The following ERLIN1 variants were observed in gnomAD, a reference collection of about 807,000 sequenced individuals.
The protein encoded by ERLIN1 is ER lipid raft associated 1, also known as erlin-1.
In ERLIN1, 24 loss-of-function variants were observed where a neutral mutation model predicts 46.9. The observed-to-expected ratio is 0.51, with a 90% CI of 0.37 to 0.72. The LOEUF (loss-of-function observed/expected upper bound fraction) is 0.72, where lower values mean the gene tolerates loss of function less well. ERLIN1 is among the 30% of genes least tolerant of loss of function. ERLIN1 has a pLI of 0.00. For missense variants in ERLIN1, 293 were observed against 417.9 expected (o/e 0.70, Z 2.61); for synonymous variants, 158 against 143.2 (o/e 1.10, Z -0.74).
intron 4 of ERLIN1, among the ~76,000 whole-genome samples, chr10:100,176,754 C>T (rs1314273744): frequency 6.6e-6 from 1 of 152,106 alleles, no homozygotes; most frequent in East Asian, 1.9e-4. Context: ...CAAAAACATG[C>T]TGCTTTCTAC....
At position 100,178,123 on chromosome 10, in the gene ERLIN1, G is replaced by C; in HGVS notation, c.304+10C>G. ...TAACTATAAAAACCACAGGTAGATG[G>C]GTAACATACCTGCATAAGGAGCCAA... On this transcript the variant is annotated intron_variant, in intron 4 of 10. Transcript: ENST00000421367. The C allele has an allele frequency of 6.5e-7, 1 of 1,544,828 alleles. No homozygotes were observed. The highest frequency in any genetic ancestry group is 8.8e-7 in the Non-Finnish European group (1 of 1,131,376).
intron 8 of ERLIN1, among the ~76,000 whole-genome samples, chr10:100,163,330 C>T (rs1304499983): frequency 1.3e-5 from 2 of 148,618 alleles, no homozygotes; most frequent in Admixed American, 1.3e-4. Context: ...AAGAGTAGGA[C>T]CAGTGAACAT....
In ERLIN1 at chr10:100,169,337, ACTGACCC is replaced by A. The variant is rs1843853001; in HGVS notation, c.505-1938_505-1932del. ...TAATGAAAGGAATATATGTATTGAA[ACTGACCC>A]CTGGGTTTTAAGCATATATTATATA... On this transcript the variant is annotated intron_variant, in intron 6 of 10. Transcript: ENST00000421367. Among the ~76,000 whole-genome samples the A allele has an allele frequency of 2.6e-5, 4 of 152,194 alleles. No individual in the cohort carries two copies. In the South Asian group the frequency reaches 8.3e-4, roughly 32 times the overall value.
At chr10:100,156,107 C>T (rs753375912) in intron 9 of ERLIN1, 38 bp downstream of exon 9, 3 of 1,354,248 alleles carry the variant, frequency 2.2e-6, no homozygotes, top group South Asian at 1.2e-5. Context: ...GGAGGCAGTT[C>T]GGGACAGGCA....
intron 8 of ERLIN1, among the ~76,000 whole-genome samples, chr10:100,156,439 T>C (rs1843467875): frequency 6.6e-6 from 1 of 152,148 alleles, no homozygotes; most frequent in Admixed American, 6.5e-5. Context: ...ATTTTGACAG[T>C]GCTAGTTTTG....
chr10:100,164,402 T>G (rs1319095821), intron 7 of ERLIN1, among the ~76,000 whole-genome samples: 1 of 152,230 alleles, frequency 6.6e-6, no homozygotes, highest in East Asian at 1.9e-4. Context: ...TATCAATACT[T>G]CCTTTGCTGT....
chr10:100,176,237 T>C (rs1844294899), intron 4 of ERLIN1, among the ~76,000 whole-genome samples, 167 bp from the exon 5 acceptor site: 1 of 152,218 alleles, frequency 6.6e-6, no homozygotes, highest in Non-Finnish European at 1.5e-5. Context: ...TTGCTTGTGC[T>C]CAATTTTCCA....
At chr10:100,174,393 T>C in intron 5 of ERLIN1, 112 bp from the exon 6 acceptor site, 1 of 757,220 alleles carries the variant, frequency 1.3e-6, no homozygotes, top group Non-Finnish European at 2.2e-6. Flanking sequence ...ACAGTACTAT[T>C]CTTTTACAGA....
intron 4 of ERLIN1, among the ~76,000 whole-genome samples, chr10:100,177,334 C>G (rs1370671237): frequency 1.3e-5 from 2 of 152,138 alleles, no homozygotes; most frequent in African/African-American, 4.8e-5. Flanking sequence ...AAAATGCTTA[C>G]TCTCTGAAAA....
At chr10:100,168,771 C>A (rs1372241659) in intron 6 of ERLIN1, among the ~76,000 whole-genome samples, 1 of 151,762 alleles carries the variant, frequency 6.6e-6, no homozygotes, top group African/African-American at 2.4e-5. Flanking sequence ...CCTCCGCCTC[C>A]CAGGTTCAAG....
Position 100,152,249 on chromosome 10 carries a change from G to T in ERLIN1, c.929C>A (p.Ser310Tyr). 1 of 1,611,050 alleles carries T rather than the reference G, an allele frequency of 6.2e-7. No individual in the cohort carries two copies. The highest frequency in any genetic ancestry group is 8.5e-7 in the Non-Finnish European group (1 of 1,177,194). ...GSNIPNMFVDSSCALKYSDIR... is the reference protein window; with the variant it reads ...GSNIPNMFVDYSCALKYSDIR... ...ATCTGAATATTTCAAAGCACATGAGGAGTCCACGAACATGTTAGGGATGTT... is the reference window on the plus strand; with the variant it reads ...ATCTGAATATTTCAAAGCACATGAGTAGTCCACGAACATGTTAGGGATGTT... The change falls in exon 11 of 11, where the codon TCC (serine) becomes TAC (tyrosine). Residue 310 changes from serine to tyrosine, a missense_variant. Around this residue, in one of 3 missense-constraint regions of ERLIN1, gnomAD observed 69 missense variants for 74.5 expected, o/e 0.93. Coordinates refer to ENST00000421367, the MANE Select transcript of ERLIN1 (RefSeq NM_006459.4).
chr10:100,153,939 C>A (rs1321329011), intron 10 of ERLIN1, among the ~76,000 whole-genome samples: 1 of 150,434 alleles, frequency 6.6e-6, no homozygotes, highest in Non-Finnish European at 1.5e-5. Context: ...AAAGTACTGA[C>A]AACTCTCATT....
chr10:100,165,794 C>G (rs999603373), intron 7 of ERLIN1, among the ~76,000 whole-genome samples: 1 of 152,104 alleles, frequency 6.6e-6, no homozygotes, highest in African/African-American at 2.4e-5. Context: ...GGCGTGGTCT[C>G]GGCTCACTGC....
At chr10:100,158,302 T>C (rs983858292) in intron 8 of ERLIN1, among the ~76,000 whole-genome samples, 1 of 152,016 alleles carries the variant, frequency 6.6e-6, no homozygotes, top group Non-Finnish European at 1.5e-5. Flanking sequence ...GACAGAAACA[T>C]GTTAAAAGCA....
intron 2 of ERLIN1, 62 bp downstream of exon 2, chr10:100,183,694 G>A: frequency 9.3e-7 from 1 of 1,073,314 alleles, no homozygotes; most frequent in Non-Finnish European, 1.4e-6. Context: ...CCACCCACAA[G>A]TGTGGTAACT....
Position 100,152,120 on chromosome 10 carries a change from C to T in ERLIN1, c.*11G>A, listed in dbSNP as rs1183637602. The T allele has an allele frequency of 6.4e-7, 1 of 1,570,622 alleles. No individual in the cohort carries two copies. The highest frequency in any genetic ancestry group is 8.8e-7 in the Non-Finnish European group (1 of 1,140,460). ...CACATCTTGATATGGAGAACATTTC[C>T]ACCTCTTGCATCAACCTGTGCTCTC... is the stretch of plus-strand genomic sequence containing the variant. On this transcript the variant is annotated 3_prime_UTR_variant, in exon 11 of 11. Transcript: ENST00000421367.
intron 1 of ERLIN1, among the ~76,000 whole-genome samples, 160 bp downstream of exon 1, chr10:100,185,354 C>G (rs1297026458): frequency 1.3e-5 from 2 of 152,220 alleles, no homozygotes; most frequent in Admixed American, 6.5e-5. Flanking sequence ...TGTCCAACAT[C>G]TGGAGGGTGC....
At chr10:100,176,117 A>T in intron 4 of ERLIN1, 47 bp from the exon 5 acceptor site, 1 of 1,552,568 alleles carries the variant, frequency 6.4e-7, no homozygotes, top group Non-Finnish European at 8.7e-7. Context: ...ACAATGACAC[A>T]GGTACCTTCA....
Position 100,185,683 on chromosome 10 carries a change from C to T in ERLIN1, c.-57G>A. On this transcript the variant is annotated 5_prime_UTR_variant, in exon 1 of 11. An upstream open reading frame in the 5' UTR gains an earlier in-frame stop. Transcript: ENST00000421367. The stretch of plus-strand genomic sequence containing the variant: ...CCCTCAGTCCCGTGAGTGACAGGTC[C>T]ACCCCCTCCAGTTTCTACCCTCTCC... The T allele has an allele frequency of 7.1e-7, 1 of 1,405,058 alleles. No homozygotes were observed. Among genetic ancestry groups the T allele is most frequent in the South Asian group, 1.2e-5 (1 of 85,882 alleles). 87.0% of individuals were successfully genotyped at this position (1,405,058 alleles called of 1,614,324 possible). A position where few individuals can be genotyped will look rare whatever the true frequency, so the allele number is the denominator to read the frequency against.
Sources: allele counts gnomAD v4.1 joint callset (sites outside exome capture counted in the v4.1 genomes callset), GRCh38; gene constraint gnomAD v4.1.1; regional missense constraint gnomAD v4.1.1; transcripts MANE v1.5; gene names NCBI Gene and HGNC (gene_info 2026-07-23, HGNC 2026-07-21).